The following PDE1A variants were observed in gnomAD, a reference collection of about 807,000 sequenced individuals.
PDE1A encodes dual specificity calcium/calmodulin-dependent 3',5'-cyclic nucleotide phosphodiesterase 1A.
In PDE1A, 35 loss-of-function variants were observed where a neutral mutation model predicts 61.7. The ratio of observed to expected loss-of-function variants is 0.57; its 90% CI spans 0.43 to 0.75. The LOEUF (loss-of-function observed/expected upper bound fraction) is 0.75, where lower values mean the gene tolerates loss of function less well. Ranked by LOEUF, PDE1A falls within the 30% of genes least tolerant of loss-of-function variation. The pLI, the probability that PDE1A is intolerant of heterozygous loss-of-function variation, is 0.00. For synonymous variants in PDE1A, 232 were observed against 213.2 expected, an observed-to-expected ratio of 1.09 and a Z score of -0.77; for missense variants, 597 against 630.6, an observed-to-expected ratio of 0.95 and a Z score of 0.57.
At chr2:182,212,159 T>G (rs1304757412) in intron 7 of PDE1A, among the ~76,000 whole-genome samples, 1 of 150,970 alleles carries the variant, frequency 6.6e-6, no homozygotes, top group Non-Finnish European at 1.5e-5. Context: ...ATAGATAATT[T>G]TCTTTGAATT....
the PDE1A span, among the ~76,000 whole-genome samples, chr2:182,665,745 C>T: frequency 6.6e-6 from 1 of 152,162 alleles, no homozygotes; most frequent in South Asian, 2.1e-4. Context: ...TAAATCACTC[C>T]ATTATAAAGA....
chr2:182,172,641 G>A (rs1004424419), intron 13 of PDE1A, among the ~76,000 whole-genome samples: 3 of 151,988 alleles, frequency 2.0e-5, no homozygotes, highest in Non-Finnish European at 2.9e-5. Flanking sequence ...GAGAACGCAA[G>A]GTAGAATATG....
chr2:182,444,910 T>C (rs1685035595), intron 2 of PDE1A, among the ~76,000 whole-genome samples: 1 of 152,118 alleles, frequency 6.6e-6, no homozygotes, highest in South Asian at 2.1e-4. Flanking sequence ...AGATAGCTAA[T>C]CCTCTGTGGT....
chr2:182,240,481 C>T (rs1383028960), intron 2 of PDE1A, among the ~76,000 whole-genome samples, 189 bp from the exon 3 acceptor site: 1 of 152,152 alleles, frequency 6.6e-6, no homozygotes, highest in African/African-American at 2.4e-5. Flanking sequence ...TCAAATTGAT[C>T]ATATGAAGAC....
the PDE1A span, among the ~76,000 whole-genome samples, chr2:182,531,803 A>C: frequency 6.6e-6 from 1 of 152,146 alleles, no homozygotes; most frequent in Admixed American, 6.5e-5. Context: ...TGCACCCATC[A>C]ACTCATCATT....
At chr2:182,454,388 T>C (rs1388814976) in intron 2 of PDE1A, among the ~76,000 whole-genome samples, 2 of 152,148 alleles carry the variant, frequency 1.3e-5, no homozygotes, top group African/African-American at 4.8e-5. Flanking sequence ...AAGCTACCAA[T>C]GCCTTTCTTC....
chr2:182,158,830 A>G (rs919828278), intron 13 of PDE1A, among the ~76,000 whole-genome samples: 1 of 152,200 alleles, frequency 6.6e-6, no homozygotes, highest in Admixed American at 6.5e-5. Context: ...GATCTTTTAG[A>G]TCACTTTTCC....
At chr2:182,701,247 G>A in the PDE1A span, among the ~76,000 whole-genome samples, 6 of 152,048 alleles carry the variant, frequency 3.9e-5, no homozygotes, top group South Asian at 2.1e-4. Flanking sequence ...GTGTTAGCCA[G>A]GATGGTCTCG....
chr2:182,699,686 C>T, the PDE1A span, among the ~76,000 whole-genome samples: 3 of 152,242 alleles, frequency 2.0e-5, no homozygotes, highest in East Asian at 3.9e-4. Context: ...CCATTCTGAG[C>T]TGTAAAAATA....
At chr2:182,225,814 T>C (rs1689096768) in intron 6 of PDE1A, among the ~76,000 whole-genome samples, 1 of 150,072 alleles carries the variant, frequency 6.7e-6, no homozygotes, top group South Asian at 2.1e-4. Context: ...AACATATCAT[T>C]AGTGATTGTA....
chr2:182,550,167 T>A, the PDE1A span, among the ~76,000 whole-genome samples: 104 of 152,316 alleles, frequency 6.8e-4, no homozygotes, highest in African/African-American at 2.4e-3. Context: ...ATTCTTCCTA[T>A]AAATAAAGAA....
intron 13 of PDE1A, among the ~76,000 whole-genome samples, chr2:182,152,168 GCA>G (rs1690819932): frequency 6.6e-6 from 1 of 151,954 alleles, no homozygotes; most frequent in African/African-American, 2.4e-5. Context: ...ATTTCCTTAG[GCA>G]TATCTCTAGG....
chr2:182,403,598 C>CAAAAAAAA (rs548993514), intron 1 of PDE1A, among the ~76,000 whole-genome samples: 15 of 77,606 alleles, frequency 1.9e-4, no homozygotes, highest in African/African-American at 4.3e-4. Context: ...GACTCCGTCT[C>CAAAAAAAA]AAAAAAAAAA....
chr2:182,203,805 G>A (rs1686872077), intron 8 of PDE1A, among the ~76,000 whole-genome samples: 1 of 151,746 alleles, frequency 6.6e-6, no homozygotes, highest in Non-Finnish European at 1.5e-5. Flanking sequence ...GAAAACATCA[G>A]TCTTTAAGAA....
the PDE1A span, among the ~76,000 whole-genome samples, chr2:182,592,328 T>C: frequency 3.3e-5 from 5 of 152,240 alleles, no homozygotes; most frequent in Admixed American, 6.5e-5. Flanking sequence ...ATTTTGCTCA[T>C]GCACAAGCAT....
chr2:182,179,867 A>G (rs1684602451), intron 13 of PDE1A, among the ~76,000 whole-genome samples: 1 of 152,192 alleles, frequency 6.6e-6, no homozygotes, highest in Non-Finnish European at 1.5e-5. Flanking sequence ...AAAATGAAGC[A>G]TAATAGGTCA....
chr2:182,240,896 A>G (rs1690450622), intron 2 of PDE1A, among the ~76,000 whole-genome samples: 2 of 152,188 alleles, frequency 1.3e-5, no homozygotes, highest in Admixed American at 6.5e-5. Flanking sequence ...TAAAAGTGAA[A>G]AAAAAAATGA....
intron 1 of PDE1A, among the ~76,000 whole-genome samples, chr2:182,404,933 G>T (rs1702219089): frequency 6.6e-6 from 1 of 152,140 alleles, no homozygotes; most frequent in Admixed American, 6.5e-5. Context: ...TAGCATAACA[G>T]TACATATACC....
At chr2:182,342,165 T>A (rs576405436) in intron 1 of PDE1A, among the ~76,000 whole-genome samples, 1 of 152,322 alleles carries the variant, frequency 6.6e-6, no homozygotes, top group South Asian at 2.1e-4. Context: ...TATTAAACAA[T>A]CTTTTATGTT....
Sources: allele counts gnomAD v4.1 joint callset (sites outside exome capture counted in the v4.1 genomes callset), GRCh38; gene constraint gnomAD v4.1.1; transcripts MANE v1.5; gene names NCBI Gene and HGNC (gene_info 2026-07-23, HGNC 2026-07-21).